Variants in MRPS18A observed in about 807,000 individuals in gnomAD.
MRPS18A encodes the protein large ribosomal subunit protein mL66.
MRPS18A carries 20 observed loss-of-function variants against 22.7 expected under a neutral mutation model. The ratio of observed to expected loss-of-function variants is 0.88; its 90% confidence interval spans 0.62 to 1.28. MRPS18A has a LOEUF of 1.28. Among genes scored for constraint, MRPS18A ranks in the 50% most tolerant of loss-of-function variants. The probability of loss-of-function intolerance (pLI) is 0.00; values close to 1 mark genes in which losing one functional copy is unlikely to be tolerated. For synonymous variants in MRPS18A, 106 were observed against 99.1 expected, an observed-to-expected ratio of 1.07 and a Z score of -0.41; for missense variants, 294 against 262.6, an observed-to-expected ratio of 1.12 and a Z score of -0.83.
intron 5 of MRPS18A, among the ~76,000 whole-genome samples, chr6:43,674,519 G>A (rs944773075): frequency 2.6e-5 from 4 of 152,206 alleles, no homozygotes; most frequent in African/African-American, 9.6e-5. Context: ...CTAAGACTAT[G>A]TGAGTGTGCT....
Position 43,687,552 on chromosome 6 carries a change from C to T in MRPS18A, c.112+116G>A, listed in dbSNP as rs939174291. On this transcript the variant is annotated intron_variant, in intron 1 of 5. Coordinates refer to ENST00000372133, the MANE Select transcript of MRPS18A (RefSeq NM_018135.4). Reference sequence around the variant, plus strand: ...TTTAAGCACGCCTGGGGAGCCGGTACCTCCAAAGTTTCAGAATCGGACGAA... The same window carrying T: ...TTTAAGCACGCCTGGGGAGCCGGTATCTCCAAAGTTTCAGAATCGGACGAA... The T allele has an allele frequency of 1.2e-5, 11 of 907,606 alleles. No homozygotes were observed. In the African/African-American group the frequency reaches 1.3e-4, roughly 11 times the overall value. The allele number at this position is 907,606 out of a possible 1,614,324, so 56.2% of individuals were successfully genotyped here.
Position 43,678,558 on chromosome 6 carries a change from G to C in MRPS18A, c.212C>G (p.Pro71Arg). ...PNPPNPSGQC[P>R]ICRWNLKHKY... ...GTGCTTCAGGTTCCAACGGCAGATG[G>C]GGCACTGGCCAGAGGGGTTAGGAGG... Residue 71 changes from proline to arginine, a missense_variant, in exon 3 of 6, where the codon CCC becomes CGC. Physicochemically the swap from Pro to Arg is moderately radical, Grantham distance 103. Coordinates refer to ENST00000372133, the MANE Select transcript of MRPS18A (RefSeq NM_018135.4). The C allele has an allele frequency of 6.2e-7, 1 of 1,613,948 alleles. No individual in the cohort carries two copies. Among genetic ancestry groups the C allele is most frequent in the Non-Finnish European group, 8.5e-7 (1 of 1,179,862 alleles).
At position 43,671,276 on chromosome 6, in the gene MRPS18A, C is replaced by T. The variant is rs1325954795; in HGVS notation, c.*486G>A. The T allele has an allele frequency of 2.0e-6, 1 of 488,232 alleles. No individual in the cohort carries two copies. The highest frequency in any genetic ancestry group is 3.7e-6 in the Non-Finnish European group (1 of 269,020). The allele number at this position is 488,232 out of a possible 1,614,324, so 30.2% of individuals were successfully genotyped here. Reference sequence around the variant, plus strand: ...GGCAGCCCACCTTGGCTCCCTGCAGCTCTCCCACAGTAAGGAGCTCACAGC... The same window carrying T: ...GGCAGCCCACCTTGGCTCCCTGCAGTTCTCCCACAGTAAGGAGCTCACAGC... On this transcript the variant is annotated 3_prime_UTR_variant, in exon 6 of 6. Coordinates refer to ENST00000372133, the MANE Select transcript of MRPS18A (RefSeq NM_018135.4).
intron 4 of MRPS18A, 107 bp downstream of exon 4, chr6:43,675,387 A>T (rs1773996067): frequency 1.2e-6 from 2 of 1,601,022 alleles, no homozygotes; most frequent in African/African-American, 1.3e-5. Flanking sequence ...TATAATTAAC[A>T]CTCCGGATAT....
chr6:43,675,249 A>C lies in MRPS18A; in HGVS notation c.399T>G (p.Pro133=). Residue 133 remains proline (P), a synonymous_variant, in exon 5 of 6, where the codon CCT becomes CCG. Transcript: ENST00000372133. ...TCGGAACAACTCCTTCAGGAAGCCG[A>C]GGCCTGTGATTTGGTAATAGACCTG... ...HRAGLLPNHR[P]RLPEGVVPKS... is the part of the protein sequence containing the mutation. 1 of 1,525,822 alleles carries C rather than the reference A, an allele frequency of 6.6e-7. No individual in the cohort carries two copies. The highest frequency in any genetic ancestry group is 8.8e-7 in the Non-Finnish European group (1 of 1,138,008). The allele number at this position is 1,525,822 out of a possible 1,614,324, so 94.5% of individuals were successfully genotyped here. A position where few individuals can be genotyped will look rare whatever the true frequency, so the allele number is the denominator to read the frequency against.
chr6:43,687,558 A>T (rs1774783038), intron 1 of MRPS18A, 110 bp downstream of exon 1: 2 of 1,007,416 alleles, frequency 2.0e-6, no homozygotes, highest in Non-Finnish European at 1.5e-6. Context: ...GGTACCTCCA[A>T]AGTTTCAGAA....
intron 1 of MRPS18A, among the ~76,000 whole-genome samples, chr6:43,682,107 C>T (rs1230950141): frequency 6.6e-6 from 1 of 152,148 alleles, no homozygotes; most frequent in Non-Finnish European, 1.5e-5. Context: ...GTTAAGGAGA[C>T]CAGCCTGCGC....
At chr6:43,684,712 A>C (rs1412362241) in intron 1 of MRPS18A, among the ~76,000 whole-genome samples, 2 of 152,056 alleles carry the variant, frequency 1.3e-5, no homozygotes, top group Non-Finnish European at 2.9e-5. Context: ...TGCCAGGCAT[A>C]CCCTTGTCTG....
At chr6:43,680,083 T>TC (rs2127949238) in intron 2 of MRPS18A, among the ~76,000 whole-genome samples, 1 of 152,276 alleles carries the variant, frequency 6.6e-6, no homozygotes, top group African/African-American at 2.4e-5. Flanking sequence ...CCACAATGCC[T>TC]CCACATCTAT....
At chr6:43,675,362 G>C (rs1224702563) in intron 4 of MRPS18A, 91 bp from the exon 5 acceptor site, 4 of 1,588,128 alleles carry the variant, frequency 2.5e-6, no homozygotes, top group Non-Finnish European at 3.5e-6. Context: ...GGGAAGGTTG[G>C]CATTGGGTGG....
chr6:43,677,545 A>C (rs1466922636), intron 3 of MRPS18A, among the ~76,000 whole-genome samples: 1 of 152,182 alleles, frequency 6.6e-6, no homozygotes, highest in Non-Finnish European at 1.5e-5. Flanking sequence ...TCTGAAGAAC[A>C]AGTAAGGATT....
chr6:43,672,107 G>C (rs1188099117), intron 5 of MRPS18A: 1 of 650,398 alleles, frequency 1.5e-6, no homozygotes, highest in African/African-American at 1.8e-5. Context: ...TCTTGCTGCC[G>C]CAAGCCTGTG....
At chr6:43,682,415 CTAA>C (rs1451265762) in intron 1 of MRPS18A, among the ~76,000 whole-genome samples, 1 of 152,196 alleles carries the variant, frequency 6.6e-6, no homozygotes, top group Non-Finnish European at 1.5e-5. Flanking sequence ...TGACCAACAC[CTAA>C]TTGGACACAG....
intron 2 of MRPS18A, 29 bp from the exon 3 acceptor site, chr6:43,678,654 G>A: frequency 6.6e-7 from 1 of 1,519,180 alleles, no homozygotes; most frequent in Non-Finnish European, 9.1e-7. Context: ...GAGCCAGTGT[G>A]AGAGACAGGA....
intron 1 of MRPS18A, among the ~76,000 whole-genome samples, chr6:43,682,011 T>G (rs79752131): frequency 6.6e-6 from 1 of 152,186 alleles, no homozygotes; most frequent in African/African-American, 2.4e-5. Flanking sequence ...TTTAGAAAGA[T>G]AGAAGCCAGA....
At chr6:43,674,093 T>C (rs1773914456) in intron 5 of MRPS18A, among the ~76,000 whole-genome samples, 1 of 152,164 alleles carries the variant, frequency 6.6e-6, no homozygotes, top group South Asian at 2.1e-4. Flanking sequence ...GCTAGCAATG[T>C]GGGGGGCACA....
At chr6:43,680,240 T>C (rs984375750) in intron 2 of MRPS18A, among the ~76,000 whole-genome samples, 3 of 141,132 alleles carry the variant, frequency 2.1e-5, no homozygotes, top group Non-Finnish European at 4.6e-5. Context: ...CCTAAGGGGA[T>C]TGGGGGGGGT....
intron 4 of MRPS18A, 46 bp from the exon 5 acceptor site, chr6:43,675,317 G>T: frequency 6.4e-7 from 1 of 1,554,210 alleles, no homozygotes; most frequent in Non-Finnish European, 8.8e-7. Flanking sequence ...TCCCTCTGCA[G>T]CTCTGAGGGG....
intron 3 of MRPS18A, 120 bp from the exon 4 acceptor site, chr6:43,675,737 T>G: frequency 8.4e-7 from 1 of 1,193,830 alleles, no homozygotes; most frequent in East Asian, 2.4e-5. Context: ...CTGAGATCAC[T>G]TCCTCCACAC....
Sources: allele counts gnomAD v4.1 joint callset (sites outside exome capture counted in the v4.1 genomes callset), GRCh38; gene constraint gnomAD v4.1.1; transcripts MANE v1.5; gene names NCBI Gene and HGNC (gene_info 2026-07-23, HGNC 2026-07-21).